PLSCR1: variants seen among roughly 807,000 people sequenced by gnomAD.
The protein encoded by PLSCR1 is PL scramblase 1.
Under a neutral mutation model 37.8 loss-of-function variants are expected in PLSCR1, and 17 were observed. That is an observed-to-expected ratio of 0.45 (90% CI 0.31 to 0.68). The LOEUF is 0.68. Ranked by LOEUF, PLSCR1 falls within the 30% of genes least tolerant of loss-of-function variation. The pLI is 0.06. For synonymous variants in PLSCR1, 116 were observed against 125.9 expected (o/e 0.92, Z 0.53); for missense variants, 347 against 380.9 (o/e 0.91, Z 0.74).
chr3:146,524,594 T>C (rs1560083144), intron 5 of PLSCR1, among the ~76,000 whole-genome samples: 1 of 152,120 alleles, frequency 6.6e-6, no homozygotes, highest in Admixed American at 6.5e-5. Context: ...TAATGTTTGG[T>C]TATATGTCTG....
rs772767992 is a variant in PLSCR1, at chr3:146,536,537, T to C, written c.13+3A>G. On this transcript the variant is annotated splice_donor_region_variant and intron_variant, in intron 2 of 8. Transcript: ENST00000342435. Reference sequence around the variant, plus strand: ...AAGTAAACATTTAAAATAAATTACTTACTTTGTTTGTCCATGATTAAAACA... The same window carrying C: ...AAGTAAACATTTAAAATAAATTACTCACTTTGTTTGTCCATGATTAAAACA... 1 of 1,393,462 alleles carries C rather than the reference T, an allele frequency of 7.2e-7. No homozygotes were observed. Among genetic ancestry groups the C allele is most frequent in the Non-Finnish European group, 1.0e-6 (1 of 979,370 alleles). The allele number at this position is 1,393,462 out of a possible 1,614,324, so 86.3% of individuals were successfully genotyped here. A position where few individuals can be genotyped will look rare whatever the true frequency, so the allele number is the denominator to read the frequency against.
At position 146,517,044 on chromosome 3, in the gene PLSCR1, T is replaced by G. The variant is rs1383551222; in HGVS notation, c.862A>C (p.Lys288Gln). The change falls in exon 8 of 9, where the codon AAA becomes CAA. Residue 288 changes from lysine (K) to glutamine (Q), a missense_variant. Transcript: ENST00000342435. Reference protein sequence around the residue: ...GIQFPLDLDVKMKAVMIGACF... With the variant: ...GIQFPLDLDVQMKAVMIGACF... ...GCACCAATCATTACAGCTTTCATTT[T>G]AACATCAAGGTCTAAAGGGAACTGG... 1.3e-6 allele frequency: 2 copies of G among 1,599,600 alleles called. No individual in the cohort carries two copies. Among genetic ancestry groups the G allele is most frequent in the Non-Finnish European group, 1.7e-6 (2 of 1,173,824 alleles).
chr3:146,519,022 T>C (rs563607757), intron 7 of PLSCR1, among the ~76,000 whole-genome samples: 1 of 152,234 alleles, frequency 6.6e-6, no homozygotes, highest in South Asian at 2.1e-4. Flanking sequence ...AGCAAAGAAA[T>C]ATAAAAAGTG....
intron 5 of PLSCR1, 133 bp from the exon 6 acceptor site, chr3:146,522,186 T>G: frequency 1.5e-6 from 1 of 656,068 alleles, no homozygotes. Context: ...GAAATGATGT[T>G]TAGAGATGAT....
intron 3 of PLSCR1, among the ~76,000 whole-genome samples, chr3:146,529,743 G>A (rs545801842): frequency 1.3e-5 from 2 of 152,194 alleles, no homozygotes; most frequent in South Asian, 4.1e-4. Flanking sequence ...TCGATCTCCT[G>A]ACCTCGTGAT....
chr3:146,533,368 A>G (rs1383400817), intron 3 of PLSCR1, 102 bp downstream of exon 3: 1 of 558,514 alleles, frequency 1.8e-6, no homozygotes, highest in East Asian at 2.8e-5. Flanking sequence ...ATAAAAACAA[A>G]TGCACAATTC....
intron 1 of PLSCR1, among the ~76,000 whole-genome samples, chr3:146,538,722 T>G (rs1170761129): frequency 6.6e-6 from 1 of 152,192 alleles, no homozygotes; most frequent in East Asian, 1.9e-4. Flanking sequence ...TTTTATTTTT[T>G]TTTATTTTTT....
rs962672816 is a variant in PLSCR1, at chr3:146,515,731, A to C, written c.*314T>G. The C allele has an allele frequency of 1.0e-5, 2 of 195,004 alleles. No individual in the cohort carries two copies. Among genetic ancestry groups the C allele is most frequent in the Non-Finnish European group, 2.1e-5 (2 of 97,336 alleles). 12.1% of individuals were successfully genotyped at this position (195,004 alleles called of 1,614,324 possible). A position where few individuals can be genotyped will look rare whatever the true frequency, so the allele number is the denominator to read the frequency against. On this transcript the variant is annotated 3_prime_UTR_variant, in exon 9 of 9. Coordinates refer to ENST00000342435, the MANE Select transcript of PLSCR1 (RefSeq NM_021105.3). ...CAAGATATAATTTATATAAAAATTA[A>C]TAAGGCCTTAGTTAATATTTGGTAG...
At chr3:146,528,384 TATTGGCCATTATCATAG>T in intron 4 of PLSCR1, 1 of 546,578 alleles carries the variant, frequency 1.8e-6, no homozygotes, top group Non-Finnish European at 3.3e-6. Context: ...AAATGTTTGC[TATTGGCCATTATCATAG>T]ATTGTATTTA....
intron 4 of PLSCR1, among the ~76,000 whole-genome samples, chr3:146,526,853 G>T (rs2044123907): frequency 6.6e-6 from 1 of 152,112 alleles, no homozygotes; most frequent in African/African-American, 2.4e-5. Flanking sequence ...TAGAAGTAGA[G>T]AGTAGAGGCC....
chr3:146,519,099 CTGT>C (rs1237375877), intron 7 of PLSCR1, among the ~76,000 whole-genome samples: 1 of 151,922 alleles, frequency 6.6e-6, no homozygotes, highest in African/African-American at 2.4e-5. Context: ...TATTTATTTA[CTGT>C]TATTACACCC....
chr3:146,517,961 G>A (rs1267323544), intron 7 of PLSCR1, among the ~76,000 whole-genome samples: 2 of 152,140 alleles, frequency 1.3e-5, no homozygotes, highest in Non-Finnish European at 2.9e-5. Context: ...ACAGAGGAGT[G>A]TCCTTTTCAG....
At chr3:146,522,626 A>G (rs980592911) in intron 5 of PLSCR1, among the ~76,000 whole-genome samples, 1 of 152,150 alleles carries the variant, frequency 6.6e-6, no homozygotes, top group African/African-American at 2.4e-5. Context: ...GATAGTCTGA[A>G]ATATGGCCTC....
chr3:146,521,959 G>A lies in PLSCR1; in HGVS notation c.450C>T (p.Thr150=), dbSNP rs776993957. 1.9e-6 allele frequency: 3 copies of A among 1,612,468 alleles called. No individual in the cohort carries two copies. In the African/African-American group the frequency reaches 4.0e-5, roughly 22 times the overall value. ...YFAAEDTDCC[T]RNCCGPSRPF... ...GTCTAGATGGCCCACAGCAATTTCG[G>A]GTACAGCAATCAGTATCTTCCGCTG... is the stretch of plus-strand genomic sequence containing the variant. The change falls in exon 6 of 9, where the codon ACC becomes ACT. Residue 150 remains threonine (T), a synonymous_variant. Coordinates refer to ENST00000342435, the MANE Select transcript of PLSCR1 (RefSeq NM_021105.3).
intron 5 of PLSCR1, 73 bp downstream of exon 5, chr3:146,525,531 TG>T: frequency 1.3e-6 from 1 of 760,100 alleles, no homozygotes; most frequent in Non-Finnish European, 2.4e-6. Context: ...GTTATATTTG[TG>T]GAGGTCAATG....
intron 3 of PLSCR1, 38 bp downstream of exon 3, chr3:146,533,432 A>G: frequency 8.5e-7 from 1 of 1,174,934 alleles, no homozygotes. Flanking sequence ...CTGTCTCTCA[A>G]TTAATTTTAC....
chr3:146,533,447 T>C, intron 3 of PLSCR1, 23 bp downstream of exon 3: 1 of 1,435,966 alleles, frequency 7.0e-7, no homozygotes, highest in South Asian at 1.2e-5. Context: ...TTTTACTTTT[T>C]CTTCTTTCAG....
chr3:146,516,437 C>T (rs561687146), intron 8 of PLSCR1: 10 of 194,546 alleles, frequency 5.1e-5, no homozygotes, highest in East Asian at 4.5e-4. Flanking sequence ...ATATGAACTT[C>T]GAAGTTTCTG....
intron 5 of PLSCR1, among the ~76,000 whole-genome samples, chr3:146,523,606 C>T (rs971148693): frequency 1.3e-5 from 2 of 152,168 alleles, no homozygotes; most frequent in South Asian, 4.1e-4. Context: ...TTCAACTCAA[C>T]AGTAGTTGTT....
Sources: allele counts gnomAD v4.1 joint callset (sites outside exome capture counted in the v4.1 genomes callset), GRCh38; gene constraint gnomAD v4.1.1; transcripts MANE v1.5; gene names NCBI Gene and HGNC (gene_info 2026-07-23, HGNC 2026-07-21).